SAFB2: variants seen among roughly 807,000 people sequenced by gnomAD.
SAFB2 encodes scaffold attachment factor B2.
In SAFB2, 32 loss-of-function variants were observed where a neutral mutation model predicts 100.6. That is an observed-to-expected ratio of 0.32 (90% CI 0.24 to 0.43). The LOEUF (loss-of-function observed/expected upper bound fraction) is 0.43, where lower values mean the gene tolerates loss of function less well. SAFB2 is among the 20% of genes least tolerant of loss of function. SAFB2 has a pLI of 1.00. For missense variants in SAFB2, 1,185 were observed against 1,163.4 expected (o/e 1.02, Z -0.27); for synonymous variants, 500 against 439.4 (o/e 1.14, Z -1.72).
In SAFB2 at chr19:5,610,590, A is replaced by G. The variant is rs116037744; in HGVS notation, c.1195+49T>C. 1,642 of 1,402,934 alleles carry G rather than the reference A, an allele frequency of 1.2e-3. 22 individuals are homozygous for G. The African/African-American group carries it at 0.021, about 18-fold the overall frequency. 86.9% of individuals were successfully genotyped at this position (1,402,934 alleles called of 1,614,324 possible). On this transcript the variant is annotated intron_variant, in intron 8 of 20. Coordinates refer to ENST00000252542, the MANE Select transcript of SAFB2 (RefSeq NM_014649.3). The stretch of plus-strand genomic sequence containing the variant: ...GTATATCTCCAGGCCCCTCCTCCCA[A>G]AATAAGGGAACCATACCTGGCTCCC...
intron 16 of SAFB2, 72 bp downstream of exon 16, chr19:5,592,675 T>TG: frequency 6.4e-7 from 1 of 1,574,570 alleles, no homozygotes; most frequent in Non-Finnish European, 8.7e-7. Flanking sequence ...TGCACTGGGC[T>TG]GAGAACGAGG....
At chr19:5,590,763 G>A (rs570763853) in intron 17 of SAFB2, among the ~76,000 whole-genome samples, 3 of 151,176 alleles carry the variant, frequency 2.0e-5, no homozygotes, top group East Asian at 1.9e-4. Flanking sequence ...GAGGGCCCTC[G>A]GGTGGGTCAG....
intron 17 of SAFB2, among the ~76,000 whole-genome samples, chr19:5,590,802 T>C (rs1008216277): frequency 1.3e-5 from 2 of 152,100 alleles, no homozygotes; most frequent in Admixed American, 6.5e-5. Flanking sequence ...GGGCCACAAT[T>C]CCGGCCTCCC....
At chr19:5,618,934 C>A (rs1268620182) in intron 2 of SAFB2, among the ~76,000 whole-genome samples, 2 of 152,170 alleles carry the variant, frequency 1.3e-5, no homozygotes, top group African/African-American at 4.8e-5. Flanking sequence ...TACAATGTTG[C>A]CTAGGACTCC....
intron 9 of SAFB2, among the ~76,000 whole-genome samples, chr19:5,607,972 T>C (rs374282155): frequency 2.0e-5 from 3 of 152,224 alleles, no homozygotes; most frequent in East Asian, 3.8e-4. Context: ...ATCAAATTAA[T>C]CATCCTTACA....
chr19:5,610,526 G>T, intron 8 of SAFB2, 113 bp downstream of exon 8: 2 of 776,756 alleles, frequency 2.6e-6, no homozygotes, highest in Non-Finnish European at 4.2e-6. Context: ...GGTTGATTCC[G>T]GTAACCCATA....
At chr19:5,607,755 A>T (rs1329251115) in intron 9 of SAFB2, among the ~76,000 whole-genome samples, 1 of 152,208 alleles carries the variant, frequency 6.6e-6, no homozygotes, top group East Asian at 1.9e-4. Context: ...GCATCAACCT[A>T]AGCAAGGCAT....
At chr19:5,592,711 A>G (rs758840059) in intron 16 of SAFB2, 36 bp downstream of exon 16, 5 of 1,611,490 alleles carry the variant, frequency 3.1e-6, no homozygotes, top group South Asian at 1.1e-5. Flanking sequence ...GGTGCCCACA[A>G]TGACTGTAGC....
intron 6 of SAFB2, chr19:5,612,268 GGA>G: frequency 2.0e-6 from 1 of 512,476 alleles, no homozygotes; most frequent in Non-Finnish European, 3.5e-6. Context: ...GGAATCACGG[GGA>G]CGGGGGAATT....
rs1475618198 is a variant in SAFB2 at position 5,610,651 on chromosome 19, T to C, written c.1183A>G (p.Lys395Glu). 2 of 1,571,344 alleles carry C rather than the reference T, an allele frequency of 1.3e-6. No homozygotes were observed. The highest frequency in any genetic ancestry group is 1.4e-5 in the African/African-American group (1 of 73,750). ...AATTAAATCATACCTTTTTCATCTT[T>C]AATGATTGGCTTTATATCTTTTTCT... Reference protein sequence around the residue: ...KEEKDIKPIIKDEKGRVGSGS... With the variant: ...KEEKDIKPIIEDEKGRVGSGS... The change falls in exon 8 of 21, where the codon AAA (lysine) becomes GAA (glutamate). Residue 395 changes from lysine to glutamate, a missense_variant. This residue lies in a region of SAFB2 where 351 missense variants were observed against 341.2 expected (regional missense o/e 1.03). Transcript: ENST00000252542.
intron 13 of SAFB2, among the ~76,000 whole-genome samples, chr19:5,598,177 T>C (rs2052572522): frequency 6.7e-6 from 1 of 149,384 alleles, no homozygotes; most frequent in Non-Finnish European, 1.5e-5. Flanking sequence ...CAACACAAAG[T>C]GGTCCTGGCT....
intron 13 of SAFB2, among the ~76,000 whole-genome samples, chr19:5,595,905 C>T (rs1237161159): frequency 1.3e-5 from 2 of 152,206 alleles, no homozygotes; most frequent in Non-Finnish European, 2.9e-5. Context: ...GTTTGGACAG[C>T]TGGAGGGCAG....
chr19:5,622,462 C>T (rs1012443148), intron 1 of SAFB2, 68 bp downstream of exon 1: 6 of 1,420,654 alleles, frequency 4.2e-6, no homozygotes, highest in Non-Finnish European at 5.5e-6. Context: ...CCGGGAGCCG[C>T]GGTGACAGGT....
rs796732634 is a variant in SAFB2 at position 5,590,009 on chromosome 19, C to T, written c.2525+269G>A. ...GTGTGTACGCAGCCCATGATCGAGA[C>T]ATTCACAACTGCAGGCGACCCCCAG... On this transcript the variant is annotated intron_variant, in intron 18 of 20. Coordinates refer to ENST00000252542, the MANE Select transcript of SAFB2 (RefSeq NM_014649.3). 3.3e-5 allele frequency among the ~76,000 whole-genome samples: 5 copies of T among 152,308 alleles called. 1 individual carries two copies. Among genetic ancestry groups the T allele is most frequent in the African/African-American group, 1.2e-4 (5 of 41,562 alleles).
At chr19:5,615,781 T>C (rs2053014473) in intron 4 of SAFB2, among the ~76,000 whole-genome samples, 1 of 152,226 alleles carries the variant, frequency 6.6e-6, no homozygotes, top group Admixed American at 6.5e-5. Context: ...CCTGTGCCAA[T>C]AAGCCCAGGT....
Position 5,592,819 on chromosome 19 carries a change from G to T in SAFB2, c.2276C>A (p.Pro759His). ...AMEDRYRADF[P>H]RPDHRFHDFD... ...GTCGTGAAAGCGGTGGTCTGGCCGG[G>T]GAAAGTCTGCACGATATCGGTCCTC... is the stretch of plus-strand genomic sequence containing the variant. Residue 759 changes from proline to histidine, a missense_variant, in exon 16 of 21, where the codon CCC becomes CAC. By Grantham distance (77) the Pro-to-His change is moderately conservative. Transcript: ENST00000252542. 1 of 1,614,134 alleles carries T rather than the reference G, an allele frequency of 6.2e-7. No homozygotes were observed. The highest frequency in any genetic ancestry group is 8.5e-7 in the Non-Finnish European group (1 of 1,180,020).
At chr19:5,599,914 A>G (rs1444132596) in intron 12 of SAFB2, among the ~76,000 whole-genome samples, 3 of 152,190 alleles carry the variant, frequency 2.0e-5, no homozygotes, top group African/African-American at 4.8e-5. Context: ...AGCAATACAC[A>G]TAAGCCCTGA....
At position 5,612,525 on chromosome 19, in the gene SAFB2, TTC is replaced by T. The variant is rs1205679244; in HGVS notation, c.634+13_634+14del. On this transcript the variant is annotated intron_variant, in intron 6 of 20. Coordinates refer to ENST00000252542, the MANE Select transcript of SAFB2 (RefSeq NM_014649.3). ...AACTTTCAAACCATAACTGTCGTGT[TTC>T]TCTTATCAGTACCTGGCTCCAAAAG... The T allele has an allele frequency of 6.2e-7, 1 of 1,610,714 alleles. No homozygotes were observed. Among genetic ancestry groups the T allele is most frequent in the Non-Finnish European group, 8.5e-7 (1 of 1,177,088 alleles).
At chr19:5,604,480 C>T (rs977164356) in intron 11 of SAFB2, 103 bp downstream of exon 11, 4 of 741,438 alleles carry the variant, frequency 5.4e-6, no homozygotes, top group East Asian at 2.7e-5. Context: ...GGCAAGGCTG[C>T]GTGGGTACAG....
Sources: gnomAD v4.1 joint callset for allele counts (sites outside exome capture counted in the v4.1 genomes callset) on GRCh38, gnomAD v4.1.1 for gene constraint, gnomAD v4.1.1 regional missense constraint, MANE v1.5 for transcripts, NCBI Gene and HGNC (gene_info 2026-07-23, HGNC 2026-07-21) for gene names.